PRKN: variants seen among roughly 807,000 people sequenced by gnomAD.
PRKN encodes the protein parkin RBR E3 ubiquitin protein ligase.
Under a neutral mutation model 59.5 loss-of-function variants are expected in PRKN, and 56 were observed. The observed-to-expected ratio is 0.94, with a 90% CI of 0.76 to 1.18. The LOEUF (loss-of-function observed/expected upper bound fraction) is 1.18, where lower values mean the gene tolerates loss of function less well. Among genes scored for constraint, PRKN ranks in the 50% most tolerant of loss-of-function variants. PRKN has a pLI of 0.00. For missense variants in PRKN, 657 were observed against 596.4 expected, an observed-to-expected ratio of 1.10 and a Z score of -1.06; for synonymous variants, 250 against 222.1, an observed-to-expected ratio of 1.13 and a Z score of -1.12.
intron 4 of PRKN, among the ~76,000 whole-genome samples, chr6:162,096,693 T>G (rs976643122): frequency 2.0e-5 from 3 of 152,192 alleles, no homozygotes; most frequent in African/African-American, 4.8e-5. Flanking sequence ...CCTGCCGCCA[T>G]GTAAGATGTG....
At chr6:161,767,347 A>G (rs1245821278) in intron 7 of PRKN, among the ~76,000 whole-genome samples, 2 of 152,156 alleles carry the variant, frequency 1.3e-5, no homozygotes, top group African/African-American at 4.8e-5. Context: ...CGCCATCTCT[A>G]CTAAAAATAC....
At position 162,010,599 on chromosome 6, in the gene PRKN, T is replaced by C. The variant is rs1397614205; in HGVS notation, c.619-37182A>G. On this transcript the variant is annotated intron_variant, in intron 5 of 11. Coordinates refer to ENST00000366898, the MANE Select transcript of PRKN (RefSeq NM_004562.3). ...ATGTATTATATTATATATAATATAA[T>C]ATATATTATATAATATATTATATTA... Among the ~76,000 whole-genome samples the C allele has an allele frequency of 4.5e-4, 2 of 4,414 alleles. 1 individual carries two copies. Among genetic ancestry groups the C allele is most frequent in the Non-Finnish European group, 5.8e-4 (2 of 3,460 alleles). The allele number at this position is 4,414 out of a possible 152,430, so 2.9% of individuals were successfully genotyped here.
intron 9 of PRKN, among the ~76,000 whole-genome samples, chr6:161,543,223 C>T (rs1479246051): frequency 6.6e-6 from 1 of 152,190 alleles, no homozygotes; most frequent in Admixed American, 6.5e-5. Context: ...TCTCATTTCA[C>T]TAAAACCTCC....
chr6:161,726,436 A>G (rs1180958970), intron 7 of PRKN, among the ~76,000 whole-genome samples: 2 of 152,218 alleles, frequency 1.3e-5, no homozygotes, highest in Non-Finnish European at 2.9e-5. Context: ...TATCCGGCAC[A>G]TGGCAGGTGC....
intron 7 of PRKN, among the ~76,000 whole-genome samples, chr6:161,667,505 C>T (rs960458744): frequency 6.6e-6 from 1 of 152,224 alleles, no homozygotes; most frequent in Non-Finnish European, 1.5e-5. Flanking sequence ...ATTTTCTTCT[C>T]TAAACTACCA....
intron 7 of PRKN, among the ~76,000 whole-genome samples, chr6:161,663,975 C>T (rs757427298): frequency 1.5e-4 from 23 of 152,178 alleles, no homozygotes; most frequent in Non-Finnish European, 2.4e-4. Context: ...ACAGTGCTCC[C>T]GGGAGCTCCG....
At chr6:162,510,535 C>A (rs1172610652) in intron 1 of PRKN, among the ~76,000 whole-genome samples, 2 of 152,160 alleles carry the variant, frequency 1.3e-5, no homozygotes, top group Non-Finnish European at 2.9e-5. Flanking sequence ...GTGAAGACAT[C>A]CAGCTCTGAG....
rs145128618 is a variant in PRKN, at chr6:161,503,874, C to A, written c.1083+44980G>T. ...TCTATTCTGATAATGATGATTATAT[C>A]ACCACCAGAGTCCCCTTCAGCCTTG... On this transcript the variant is annotated intron_variant, in intron 9 of 11. Coordinates refer to ENST00000366898, the MANE Select transcript of PRKN (RefSeq NM_004562.3). This position sits in a 1 kb window ranked among gnomAD's most constrained non-coding sequence, Gnocchi z 5.1. Among the ~76,000 whole-genome samples the A allele has an allele frequency of 7.8e-3, 1,183 of 152,284 alleles. 25 individuals carry two copies. Among genetic ancestry groups the A allele is most frequent in the African/African-American group, 0.028 (1,143 of 41,560 alleles).
chr6:162,179,992 GTGTGTGTGTGTGTGTA>G (rs939876353), intron 4 of PRKN, among the ~76,000 whole-genome samples: 3 of 151,198 alleles, frequency 2.0e-5, no homozygotes, highest in South Asian at 2.1e-4. Context: ...GTGTGTGTGT[GTGTGTGTGTGTGTGTA>G]TGTGTGTAGC....
At chr6:162,316,019 A>G (rs1300965608) in intron 2 of PRKN, among the ~76,000 whole-genome samples, 1 of 150,988 alleles carries the variant, frequency 6.6e-6, no homozygotes, top group African/African-American at 2.4e-5. Context: ...CAGACAGCAG[A>G]CAATGGGCTA....
chr6:162,045,553 C>G (rs1784219517), intron 5 of PRKN, among the ~76,000 whole-genome samples: 1 of 152,218 alleles, frequency 6.6e-6, no homozygotes. Context: ...CTTATAATTT[C>G]CATTCTAAAT....
At chr6:161,637,432 A>G (rs1783566918) in intron 7 of PRKN, among the ~76,000 whole-genome samples, 1 of 152,190 alleles carries the variant, frequency 6.6e-6, no homozygotes, top group Admixed American at 6.5e-5. Context: ...GGCAAAAAAA[A>G]AAAGGAGGGA....
At chr6:162,577,671 A>G (rs35211042) in intron 1 of PRKN, among the ~76,000 whole-genome samples, 18,691 of 152,014 alleles carry the variant, frequency 0.12, 1,262 homozygotes, top group Middle Eastern at 0.2. Flanking sequence ...TGGCTCACCT[A>G]TAATCCCAGC....
intron 1 of PRKN, among the ~76,000 whole-genome samples, chr6:162,510,233 G>C (rs1777536209): frequency 6.6e-6 from 1 of 152,204 alleles, no homozygotes; most frequent in Non-Finnish European, 1.5e-5. Flanking sequence ...AAAGCAGTTA[G>C]ATAAAGTTGA....
At chr6:161,993,051 G>C (rs1781712859) in intron 5 of PRKN, among the ~76,000 whole-genome samples, 1 of 151,780 alleles carries the variant, frequency 6.6e-6, no homozygotes, top group Non-Finnish European at 1.5e-5. Context: ...TAAAGAACTA[G>C]AAAAGAAAGG....
chr6:161,545,700 C>T lies in PRKN; in HGVS notation c.1083+3154G>A, dbSNP rs1332472162. On this transcript the variant is annotated intron_variant, in intron 9 of 11. Transcript: ENST00000366898. The surrounding 1 kb of genome is among the most constrained non-coding windows in gnomAD (Gnocchi z 4.1). Reference sequence around the variant, plus strand: ...GTTTCCAAATCCACTGTGTTTATGACCTCTATATATGCTATAGGGAGCCCA... The same window carrying T: ...GTTTCCAAATCCACTGTGTTTATGATCTCTATATATGCTATAGGGAGCCCA... Among the ~76,000 whole-genome samples, 1 of 152,194 alleles carries T rather than the reference C, an allele frequency of 6.6e-6. No individual in the cohort carries two copies. The highest frequency in any genetic ancestry group is 1.5e-5 in the Non-Finnish European group (1 of 68,028).
intron 4 of PRKN, among the ~76,000 whole-genome samples, chr6:162,184,841 A>G (rs1004370318): frequency 3.3e-5 from 5 of 152,172 alleles, no homozygotes; most frequent in Non-Finnish European, 1.5e-5. Flanking sequence ...AAGTTTTGGT[A>G]TATAAACCTT....
intron 3 of PRKN, among the ~76,000 whole-genome samples, chr6:162,230,281 G>C (rs1778367308): frequency 1.3e-5 from 2 of 152,218 alleles, no homozygotes; most frequent in Non-Finnish European, 2.9e-5. Context: ...GTTGGCATGA[G>C]CCAAGAAGTA....
chr6:161,532,162 C>CTATATA (rs1227540991), intron 9 of PRKN, among the ~76,000 whole-genome samples: 2 of 83,626 alleles, frequency 2.4e-5, no homozygotes, highest in South Asian at 4.6e-4. Flanking sequence ...CTCTCTCTCT[C>CTATATA]TCTCTATATA....
Sources: allele counts gnomAD v4.1 joint callset (sites outside exome capture counted in the v4.1 genomes callset), GRCh38; gene constraint gnomAD v4.1.1; non-coding constraint Gnocchi (gnomAD v3.1); transcripts MANE v1.5; gene names NCBI Gene and HGNC (gene_info 2026-07-23, HGNC 2026-07-21).